Variants in KAT6B observed in about 807,000 individuals in gnomAD.
The protein encoded by KAT6B is histone acetyltransferase KAT6B.
KAT6B carries 10 observed loss-of-function variants against 187.5 expected under a neutral mutation model. That is an observed-to-expected ratio of 0.05 (90% CI 0.03 to 0.09). KAT6B has a LOEUF of 0.09. KAT6B is among the 10% of genes least tolerant of loss of function. The pLI is 1.00. For synonymous variants in KAT6B, 861 were observed against 926.8 expected (o/e 0.93, Z 1.29); for missense variants, 1,952 against 2,558.9 (o/e 0.76, Z 5.12).
At chr10:74,879,426 A>T (rs1489665069) in intron 3 of KAT6B, among the ~76,000 whole-genome samples, 1 of 152,216 alleles carries the variant, frequency 6.6e-6, no homozygotes, top group Admixed American at 6.5e-5. Flanking sequence ...GACTGGGCTT[A>T]AAAAGGCCTG....
rs183009699 is a variant in KAT6B at position 75,028,892 on chromosome 10, G to T, written c.4068G>T (p.Glu1356Asp). The T allele has an allele frequency of 6.2e-7, 1 of 1,607,354 alleles. No homozygotes were observed. Among genetic ancestry groups the T allele is most frequent in the Non-Finnish European group, 8.5e-7 (1 of 1,174,518 alleles). The change falls in exon 18 of 18, where the codon GAG becomes GAT. Residue 1356 changes from glutamate to aspartate, a missense_variant. By Grantham distance (45) the Glu-to-Asp change is conservative (BLOSUM62 2). Coordinates refer to ENST00000287239, the MANE Select transcript of KAT6B (RefSeq NM_012330.4). ...DLIKPEEEEE[E>D]EEEEEEEEEE... ...TCAAACCTGAGGAAGAGGAAGAGGA[G>T]GAGGAGGAGGAAGAGGAAGAAGAGG...
rs1841747676 is a variant in KAT6B at position 74,970,081 on chromosome 10, C to T, written c.908C>T (p.Pro303Leu). ...RGFHMECCDP[P>L]LSRMPKGMWI... Reference sequence around the variant, plus strand: ...TTTCATATGGAATGCTGTGACCCACCACTTTCCAGAATGCCAAAAGGTGAA... The same window carrying T: ...TTTCATATGGAATGCTGTGACCCACTACTTTCCAGAATGCCAAAAGGTGAA... The change falls in exon 6 of 18, where the codon CCA (proline) becomes CTA (leucine). Residue 303 changes from proline to leucine, a missense_variant. By Grantham distance (98) the Pro-to-Leu change is moderately conservative. Transcript: ENST00000287239. 8 of 1,611,306 alleles carry T rather than the reference C, an allele frequency of 5.0e-6. No homozygotes were observed. The highest frequency in any genetic ancestry group is 6.8e-6 in the Non-Finnish European group (8 of 1,177,684).
intron 3 of KAT6B, among the ~76,000 whole-genome samples, chr10:74,943,178 A>G (rs906581987): frequency 1.4e-4 from 22 of 152,240 alleles, no homozygotes; most frequent in African/African-American, 4.8e-4. Context: ...GCATTTCTAT[A>G]TGGTAGCAAT....
At chr10:74,867,616 T>C (rs1449630703) in intron 3 of KAT6B, among the ~76,000 whole-genome samples, 1 of 152,238 alleles carries the variant, frequency 6.6e-6, no homozygotes, top group East Asian at 1.9e-4. Context: ...CGAGGACATG[T>C]CTGCACACTG....
chr10:74,967,969 G>A (rs962481036), intron 4 of KAT6B, among the ~76,000 whole-genome samples: 27 of 152,152 alleles, frequency 1.8e-4, no homozygotes, highest in Non-Finnish European at 1.0e-4. Flanking sequence ...TGCCTTACAG[G>A]AAGTAATAAA....
At chr10:74,988,311 T>C (rs1307733724) in intron 12 of KAT6B, among the ~76,000 whole-genome samples, 1 of 152,260 alleles carries the variant, frequency 6.6e-6, no homozygotes, top group Non-Finnish European at 1.5e-5. Context: ...AATTCTTCTT[T>C]AACTGTAAGA....
chr10:74,947,925 C>T (rs1840062774), intron 3 of KAT6B, among the ~76,000 whole-genome samples: 1 of 152,138 alleles, frequency 6.6e-6, no homozygotes, highest in African/African-American at 2.4e-5. Context: ...AGATAATGCT[C>T]ATGTAAGTGC....
At chr10:74,967,134 G>A (rs1839641083) in intron 4 of KAT6B, among the ~76,000 whole-genome samples, 1 of 152,102 alleles carries the variant, frequency 6.6e-6, no homozygotes, top group Non-Finnish European at 1.5e-5. Flanking sequence ...AGACCATCCT[G>A]GCTAACACAG....
chr10:74,834,870 C>T (rs1388420299), intron 1 of KAT6B, among the ~76,000 whole-genome samples: 4 of 152,224 alleles, frequency 2.6e-5, no homozygotes, highest in Non-Finnish European at 5.9e-5. Context: ...TAGTCAGGCA[C>T]ATGGACTTGG....
chr10:74,832,449 AC>A lies in KAT6B; in HGVS notation c.-329+5669del, dbSNP rs1840929885. On this transcript the variant is annotated intron_variant, in intron 1 of 17. Transcript: ENST00000287239. Reference sequence around the variant, plus strand: ...AGACATGCCTGGGCAACATAGGGAGACCCCCGCCTCTATTTTTATTTATTTA... The same window carrying A: ...AGACATGCCTGGGCAACATAGGGAGACCCCGCCTCTATTTTTATTTATTTA... Among the ~76,000 whole-genome samples, 3 of 150,118 alleles carry A rather than the reference AC, an allele frequency of 2.0e-5. No individual in the cohort carries two copies. In the South Asian group the frequency reaches 6.3e-4, roughly 32 times the overall value.
chr10:75,023,806 G>A (rs1413655700), intron 16 of KAT6B: 3 of 152,100 alleles, frequency 2.0e-5, no homozygotes, highest in African/African-American at 4.8e-5. Flanking sequence ...AGGAGTTCAA[G>A]ACCAGCCTGG....
chr10:75,008,075 AAACTT>A (rs1589799402), intron 13 of KAT6B, among the ~76,000 whole-genome samples: 1 of 152,212 alleles, frequency 6.6e-6, no homozygotes, highest in East Asian at 1.9e-4. Flanking sequence ...TTTCACTCTT[AAACTT>A]AGAAAAACAT....
intron 15 of KAT6B, 67 bp from the exon 16 acceptor site, chr10:75,021,814 G>C (rs1368950211): frequency 1.3e-6 from 2 of 1,568,760 alleles, no homozygotes; most frequent in Non-Finnish European, 8.8e-7. Context: ...CTTTGCCATT[G>C]ATCCTCAGAG....
intron 3 of KAT6B, among the ~76,000 whole-genome samples, chr10:74,897,371 G>C (rs1031836193): frequency 1.4e-4 from 21 of 152,178 alleles, no homozygotes; most frequent in African/African-American, 5.1e-4. Context: ...ATCTGATTGT[G>C]CACCTAGAGT....
intron 3 of KAT6B, among the ~76,000 whole-genome samples, chr10:74,917,808 A>G (rs1373731762): frequency 6.6e-6 from 1 of 152,214 alleles, no homozygotes; most frequent in Non-Finnish European, 1.5e-5. Flanking sequence ...GGAGTTCATC[A>G]TGGACAGGCA....
At chr10:74,828,743 A>G (rs1251922868) in intron 1 of KAT6B, among the ~76,000 whole-genome samples, 2 of 151,382 alleles carry the variant, frequency 1.3e-5, no homozygotes, top group Non-Finnish European at 2.9e-5. Context: ...AATTTTTTGT[A>G]TATTTAGTAG....
chr10:75,021,052 CATATGTCCGT>C, intron 14 of KAT6B, 64 bp from the exon 15 acceptor site: 1 of 1,397,324 alleles, frequency 7.2e-7, no homozygotes, highest in Non-Finnish European at 1.0e-6. Context: ...TTAGTGCTAG[CATATGTCCGT>C]ATGTGAAGCT....
chr10:74,937,437 T>A (rs973945588), intron 3 of KAT6B, among the ~76,000 whole-genome samples: 3 of 152,222 alleles, frequency 2.0e-5, no homozygotes, highest in African/African-American at 7.2e-5. Flanking sequence ...AATATTAATT[T>A]AAAATCTTCT....
chr10:74,960,412 T>A lies in KAT6B; in HGVS notation c.730+334T>A, dbSNP rs371178933. ...AGCTTTCAAGCTGAGTACAACCCCATCTTTAAAAATTAATAGCAAAAAATA... is the reference window on the plus strand; with the variant it reads ...AGCTTTCAAGCTGAGTACAACCCCAACTTTAAAAATTAATAGCAAAAAATA... On this transcript the variant is annotated intron_variant, in intron 4 of 17. Coordinates refer to ENST00000287239, the MANE Select transcript of KAT6B (RefSeq NM_012330.4). Among the ~76,000 whole-genome samples the A allele has an allele frequency of 6.6e-5, 10 of 152,230 alleles. No individual in the cohort carries two copies. The East Asian group carries it at 1.9e-3, about 29-fold the overall frequency.
Sources: gnomAD v4.1 joint callset for allele counts (sites outside exome capture counted in the v4.1 genomes callset) on GRCh38, gnomAD v4.1.1 for gene constraint, MANE v1.5 for transcripts, NCBI Gene and HGNC (gene_info 2026-07-23, HGNC 2026-07-21) for gene names.